The following CNGA3 variants were observed in gnomAD, a reference collection of about 807,000 sequenced individuals.
The protein encoded by CNGA3 is cyclic nucleotide gated channel subunit alpha 3.
A neutral mutation model predicts 46.6 loss-of-function variants in CNGA3; 42 were observed. That is an observed-to-expected ratio of 0.90 (90% CI 0.70 to 1.17). The LOEUF (loss-of-function observed/expected upper bound fraction) is 1.17, where lower values mean the gene tolerates loss of function less well. Ranked by LOEUF, CNGA3 falls within the 50% of genes most tolerant of loss-of-function variation. The pLI is 0.00. For missense variants in CNGA3, 893 were observed against 890.7 expected, an observed-to-expected ratio of 1.00 and a Z score of -0.03; for synonymous variants, 394 against 369.4, an observed-to-expected ratio of 1.07 and a Z score of -0.76.
chr2:98,378,083 C>T, intron 3 of CNGA3: 1 of 1,550,754 alleles, frequency 6.4e-7, no homozygotes, highest in Non-Finnish European at 8.7e-7. Flanking sequence ...GAAAAAAAGC[C>T]AACCGGAGAA....
intron 1 of CNGA3, chr2:98,347,198 A>G (rs1189295693): frequency 6.6e-6 from 1 of 152,206 alleles, no homozygotes; most frequent in Non-Finnish European, 1.5e-5. Context: ...GGAGGAGGCG[A>G]GAATTAAAAT....
chr2:98,371,005 A>C (rs997748439), intron 2 of CNGA3, among the ~76,000 whole-genome samples: 2 of 151,988 alleles, frequency 1.3e-5, no homozygotes, highest in African/African-American at 4.8e-5. Context: ...TTGTATTTTT[A>C]GTAGAGACAG....
At chr2:98,354,489 G>A (rs1186960476) in intron 1 of CNGA3, among the ~76,000 whole-genome samples, 3 of 152,106 alleles carry the variant, frequency 2.0e-5, no homozygotes, top group Admixed American at 2.0e-4. Flanking sequence ...TTTATATCTT[G>A]TGGATATATG....
intron 2 of CNGA3, among the ~76,000 whole-genome samples, chr2:98,375,921 G>C (rs1174225037): frequency 6.6e-6 from 1 of 152,150 alleles, no homozygotes; most frequent in Non-Finnish European, 1.5e-5. Context: ...CTCTCTTACA[G>C]GGTTGTTGTG....
intron 5 of CNGA3, among the ~76,000 whole-genome samples, chr2:98,387,052 G>A (rs900068744): frequency 3.9e-5 from 6 of 152,350 alleles, no homozygotes; most frequent in African/African-American, 1.4e-4. Flanking sequence ...TGTTCCGGCA[G>A]AAATAGAAAA....
intron 2 of CNGA3, 51 bp downstream of exon 2, chr2:98,370,127 TC>T: frequency 1.4e-6 from 2 of 1,401,126 alleles, no homozygotes; most frequent in Non-Finnish European, 2.0e-6. Context: ...TCTGGTCATT[TC>T]CACAGCTGAT....
chr2:98,377,860 A>T lies in CNGA3; in HGVS notation c.215+60A>T, dbSNP rs533263189. 2.5e-5 allele frequency: 38 copies of T among 1,490,778 alleles called. No individual in the cohort carries two copies. In the African/African-American group the frequency reaches 4.3e-4, roughly 17 times the overall value. The allele number at this position is 1,490,778 out of a possible 1,614,324, so 92.3% of individuals were successfully genotyped here. On this transcript the variant is annotated intron_variant, in intron 3 of 7. Transcript: ENST00000272602. ...GGGGACACTGTTGCAGAAAGAAGGT[A>T]GTGACCTCTCAGGAAAAAGTGCTAG...
At chr2:98,375,837 C>G (rs1409849316) in intron 2 of CNGA3, among the ~76,000 whole-genome samples, 3 of 151,954 alleles carry the variant, frequency 2.0e-5, no homozygotes, top group Non-Finnish European at 4.4e-5. Flanking sequence ...GATGGAATAA[C>G]ATTGGAATCT....
intron 1 of CNGA3, among the ~76,000 whole-genome samples, chr2:98,361,328 G>A (rs1165111397): frequency 6.6e-6 from 1 of 152,074 alleles, no homozygotes; most frequent in Non-Finnish European, 1.5e-5. Context: ...ATGGCTTCCA[G>A]CTCCATCCAT....
rs977582956 is a variant in CNGA3 at position 98,395,953 on chromosome 2, G to A, written c.783G>A (p.Leu261=). Reference sequence around the variant, plus strand: ...TGTTGTCCCTGGTCCCCACCGACCTGGCTTACTTAAAGGTGGGCACAAACT... The same window carrying A: ...TGTTGTCCCTGGTCCCCACCGACCTAGCTTACTTAAAGGTGGGCACAAACT... ...LDVLSLVPTD[L]AYLKVGTNYP... Residue 261 remains leucine, a synonymous_variant, in exon 8 of 8, where the codon CTG becomes CTA. Transcript: ENST00000272602. The A allele has an allele frequency of 1.9e-6, 3 of 1,614,058 alleles. No individual in the cohort carries two copies. The Admixed American group carries it at 5.0e-5, about 27-fold the overall frequency.
At chr2:98,362,060 G>T (rs1013516598) in intron 1 of CNGA3, among the ~76,000 whole-genome samples, 2 of 151,714 alleles carry the variant, frequency 1.3e-5, no homozygotes, top group Non-Finnish European at 1.5e-5. Context: ...GTATGTCATC[G>T]TGGTTTTGAT....
chr2:98,384,151 G>A (rs897979257), intron 5 of CNGA3, among the ~76,000 whole-genome samples: 1 of 152,184 alleles, frequency 6.6e-6, no homozygotes, highest in Non-Finnish European at 1.5e-5. Context: ...GGCCTCCAAA[G>A]TGCTAGGATT....
rs1299589641 is a variant in CNGA3 at position 98,397,210 on chromosome 2, G to A, written c.2040G>A (p.Gly680=). ...KGGGDKPLAD[G]EVPGDATKTE... ...GTGGGGACAAGCCCCTGGCTGATGG[G>A]GAAGTTCCCGGGGATGCTACAAAAA... The change falls in exon 8 of 8, where the codon GGG becomes GGA. Residue 680 remains glycine (G), a synonymous_variant. Transcript: ENST00000272602. The A allele has an allele frequency of 1.2e-6, 2 of 1,614,076 alleles. No homozygotes were observed. Among genetic ancestry groups the A allele is most frequent in the Non-Finnish European group, 8.5e-7 (1 of 1,180,032 alleles).
intron 1 of CNGA3, among the ~76,000 whole-genome samples, chr2:98,358,886 C>A (rs1691955210): frequency 6.6e-6 from 1 of 152,224 alleles, no homozygotes; most frequent in African/African-American, 2.4e-5. Context: ...CACTCCTAAA[C>A]CTTGAGGGAC....
rs1414686226 is a variant in CNGA3, at chr2:98,391,928, G to T, written c.631G>T (p.Asp211Tyr). 1 of 1,614,180 alleles carries T rather than the reference G, an allele frequency of 6.2e-7. No individual in the cohort carries two copies. The highest frequency in any genetic ancestry group is 8.5e-7 in the Non-Finnish European group (1 of 1,180,026). ...MLWLVLDYSA[D>Y]VLYVLDVLVR... ...GTGGCTGGTCCTGGACTACTCGGCAGATGTCCTGTATGTCTTGGATGTGCT... is the reference window on the plus strand; with the variant it reads ...GTGGCTGGTCCTGGACTACTCGGCATATGTCCTGTATGTCTTGGATGTGCT... Residue 211 changes from aspartate to tyrosine, a missense_variant, in exon 7 of 8, where the codon GAT becomes TAT. Physicochemically the swap from Asp to Tyr is radical, Grantham distance 160. Around this residue, in one of 3 missense-constraint regions of CNGA3, gnomAD observed 333 missense variants for 290.8 expected, o/e 1.15. Transcript: ENST00000272602.
At chr2:98,376,371 T>C (rs527754655) in intron 2 of CNGA3, among the ~76,000 whole-genome samples, 1 of 152,074 alleles carries the variant, frequency 6.6e-6, no homozygotes, top group South Asian at 2.1e-4. Context: ...GGTTCTGGCC[T>C]GGAAACCCAG....
At chr2:98,370,999 A>G (rs965942527) in intron 2 of CNGA3, among the ~76,000 whole-genome samples, 1 of 151,906 alleles carries the variant, frequency 6.6e-6, no homozygotes, top group African/African-American at 2.4e-5. Context: ...TAATTTTTGT[A>G]TTTTTAGTAG....
At chr2:98,378,467 TCCA>T (rs1216385873) in intron 3 of CNGA3, among the ~76,000 whole-genome samples, 3 of 152,188 alleles carry the variant, frequency 2.0e-5, no homozygotes, top group Non-Finnish European at 2.9e-5. Context: ...ATTATTTCCT[TCCA>T]CCACGTGGTT....
rs749592128 is a variant in CNGA3, at chr2:98,391,847, C to T, written c.567-17C>T. 1.9e-6 allele frequency: 3 copies of T among 1,612,718 alleles called. No homozygotes were observed. The highest frequency in any genetic ancestry group is 1.7e-5 in the Admixed American group (1 of 60,020). On this transcript the variant is annotated splice_polypyrimidine_tract_variant and intron_variant, in intron 6 of 7. Transcript: ENST00000272602. ...AAACACACGCACAGCCATCCATCTC[C>T]CACATGGCTTCTTTAGGGCCTGTTT... is the stretch of plus-strand genomic sequence containing the variant.
Sources: gnomAD v4.1 joint callset for allele counts (sites outside exome capture counted in the v4.1 genomes callset) on GRCh38, gnomAD v4.1.1 for gene constraint, gnomAD v4.1.1 regional missense constraint, MANE v1.5 for transcripts, NCBI Gene and HGNC (gene_info 2026-07-23, HGNC 2026-07-21) for gene names.